The following SYTL1 variants were observed in gnomAD, a reference collection of about 807,000 sequenced individuals.
The protein encoded by SYTL1 is synaptotagmin-like protein 1.
SYTL1 carries 53 observed loss-of-function variants against 74.6 expected under a neutral mutation model. The observed-to-expected ratio is 0.71, with a 90% CI of 0.57 to 0.89. The LOEUF (loss-of-function observed/expected upper bound fraction) is 0.89, where lower values mean the gene tolerates loss of function less well. Among genes scored for constraint, SYTL1 ranks in the 40% least tolerant of loss-of-function variants. The pLI, the probability that SYTL1 is intolerant of heterozygous loss-of-function variation, is 0.00. For missense variants in SYTL1, 728 were observed against 768.7 expected (o/e 0.95, Z 0.63); for synonymous variants, 329 against 324.9 (o/e 1.01, Z -0.14).
Position 27,353,920 on chromosome 1 carries a change from A to G in SYTL1, c.*68A>G, listed in dbSNP as rs2015396918. The stretch of plus-strand genomic sequence containing the variant: ...CCCTTGGCTAAAGTCAATAAAGTCT[A>G]TTCTAAGAGCAATAAAAGGCTGGTG... On this transcript the variant is annotated 3_prime_UTR_variant, in exon 15 of 15. Coordinates refer to ENST00000616558, the MANE Select transcript of SYTL1 (RefSeq NM_001193308.2). 1.8e-5 allele frequency: 26 copies of G among 1,437,288 alleles called. No individual in the cohort carries two copies. The highest frequency in any genetic ancestry group is 8.6e-5 in the South Asian group (7 of 80,980). 89.0% of individuals were successfully genotyped at this position (1,437,288 alleles called of 1,614,324 possible).
Position 27,351,852 on chromosome 1 carries a change from C to CTCT in SYTL1, c.1343+298_1343+299insCTT. ...CCAGGCTGTGGGGCTTGGCTGGGAA[C>CTCT]TTATAGTTCAGTGTAAGCTTCTAGG... On this transcript the variant is annotated intron_variant, in intron 13 of 14. Coordinates refer to ENST00000616558, the MANE Select transcript of SYTL1 (RefSeq NM_001193308.2). The surrounding 1 kb of genome is among the most constrained non-coding windows in gnomAD (Gnocchi z 5.0). 2.9e-6 allele frequency: 1 copy of CTCT among 342,424 alleles called. No individual in the cohort carries two copies. The highest frequency in any genetic ancestry group is 5.3e-6 in the Non-Finnish European group (1 of 189,552). The allele number at this position is 342,424 out of a possible 1,614,324, so 21.2% of individuals were successfully genotyped here.
At chr1:27,349,932 C>T (rs1427335907) in intron 8 of SYTL1, 40 bp from the exon 9 acceptor site, 1 of 1,562,214 alleles carries the variant, frequency 6.4e-7, no homozygotes, top group South Asian at 1.2e-5. Context: ...CGACGTGAGC[C>T]CTGCGAGCGG....
chr1:27,346,352 C>A (rs1217503142), intron 2 of SYTL1, among the ~76,000 whole-genome samples: 1 of 152,224 alleles, frequency 6.6e-6, no homozygotes, highest in Non-Finnish European at 1.5e-5. Context: ...ATGGGCGTTA[C>A]AAGCAATGTT....
Position 27,349,103 on chromosome 1 carries a change from T to G in SYTL1, c.483T>G (p.Ser161=). The change falls in exon 6 of 15, where the codon TCT becomes TCG. Residue 161 remains serine, a synonymous_variant. Transcript: ENST00000616558. ...AGGGACCTGATTTCCCATCGCCTTC[T>G]GTCCCCCTAAAGGCTTCAGATCCTG... ...ETEGPDFPSP[S]VPLKASDPEE... 1.2e-6 allele frequency: 2 copies of G among 1,614,034 alleles called. No homozygotes were observed. The highest frequency in any genetic ancestry group is 1.7e-6 in the Non-Finnish European group (2 of 1,179,896).
rs41291094 is a variant in SYTL1, at chr1:27,350,742, A to G, written c.1006-52A>G. The stretch of plus-strand genomic sequence containing the variant: ...ACCTGCCTCAGCCAACTCGCGCAGC[A>G]TCTACGCGGGCCACCAGCAGTGCTC... On this transcript the variant is annotated intron_variant, in intron 10 of 14. Coordinates refer to ENST00000616558, the MANE Select transcript of SYTL1 (RefSeq NM_001193308.2). The surrounding 1 kb of genome is among the most constrained non-coding windows in gnomAD (Gnocchi z 6.3). 12,685 of 1,592,592 alleles carry G rather than the reference A, an allele frequency of 8.0e-3. 79 individuals carry two copies. The highest frequency in any genetic ancestry group is 9.7e-3 in the Non-Finnish European group (11,312 of 1,164,724).
At position 27,350,163 on chromosome 1, in the gene SYTL1, G is replaced by T. The variant is rs1366778349; in HGVS notation, c.908+31G>T. On this transcript the variant is annotated intron_variant, in intron 9 of 14. Transcript: ENST00000616558. The surrounding 1 kb of genome is among the most constrained non-coding windows in gnomAD (Gnocchi z 6.3). The stretch of plus-strand genomic sequence containing the variant: ...TGCCCCGCCGGCCAAGCGGGGCGCG[G>T]CTGTCACAGCCCAGCCCACCATTCA... The T allele has an allele frequency of 7.0e-7, 1 of 1,419,578 alleles. No homozygotes were observed. Among genetic ancestry groups the T allele is most frequent in the East Asian group, 2.8e-5 (1 of 35,772 alleles). The allele number at this position is 1,419,578 out of a possible 1,614,324, so 87.9% of individuals were successfully genotyped here.
In SYTL1 at chr1:27,349,495, C is replaced by A. The variant is rs1239089534; in HGVS notation, c.630C>A (p.Ala210=). Residue 210 remains alanine, a synonymous_variant, in exon 7 of 15, where the codon GCC becomes GCA. Coordinates refer to ENST00000616558, the MANE Select transcript of SYTL1 (RefSeq NM_001193308.2). ...GGEQEPRPQQ[A]QTKAASQILE... ...AGCAGGAGCCGCGGCCCCAGCAAGC[C>A]CAGGTAGGCGGGAGTGGCCCGTGGC... The A allele has an allele frequency of 3.4e-6, 5 of 1,453,416 alleles. No individual in the cohort carries two copies. The highest frequency in any genetic ancestry group is 2.5e-5 in the East Asian group (1 of 39,464). 90.0% of individuals were successfully genotyped at this position (1,453,416 alleles called of 1,614,324 possible).
In SYTL1 at chr1:27,345,520, G is replaced by T; in HGVS notation, c.186G>T (p.Arg62=). 1 of 1,550,568 alleles carries T rather than the reference G, an allele frequency of 6.4e-7. No individual in the cohort carries two copies. The highest frequency in any genetic ancestry group is 8.7e-7 in the Non-Finnish European group (1 of 1,146,396). Residue 62 remains arginine, a synonymous_variant, in exon 2 of 15, where the codon CGG becomes CGT. Coordinates refer to ENST00000616558, the MANE Select transcript of SYTL1 (RefSeq NM_001193308.2). The surrounding 1 kb of genome is among the most constrained non-coding windows in gnomAD (Gnocchi z 6.0). ...DARLRQLEEG[R]VSKLRASVAD... ...GCCTGCGCCAGCTGGAGGAGGGGCGGGTCAGGTAAGGCAGGGCAGACCCTG... is the reference window on the plus strand; with the variant it reads ...GCCTGCGCCAGCTGGAGGAGGGGCGTGTCAGGTAAGGCAGGGCAGACCCTG...
Position 27,351,074 on chromosome 1 carries a change from C to A in SYTL1, c.1164+122C>A. On this transcript the variant is annotated intron_variant, in intron 11 of 14. Transcript: ENST00000616558. This position sits in a 1 kb window ranked among gnomAD's most constrained non-coding sequence, Gnocchi z 5.0. Reference sequence around the variant, plus strand: ...CAGAACCTCCCCTCAACCTCTTAACCTCATGGCCCCAGGCGAAGCCCGGCC... The same window carrying A: ...CAGAACCTCCCCTCAACCTCTTAACATCATGGCCCCAGGCGAAGCCCGGCC... 1.5e-6 allele frequency: 2 copies of A among 1,369,856 alleles called. No homozygotes were observed. Among genetic ancestry groups the A allele is most frequent in the South Asian group, 1.3e-5 (1 of 75,474 alleles). The allele number at this position is 1,369,856 out of a possible 1,614,324, so 84.9% of individuals were successfully genotyped here.
At position 27,351,550 on chromosome 1, in the gene SYTL1, A is replaced by G; in HGVS notation, c.1338A>G (p.Val446=). The change falls in exon 13 of 15, where the codon GTA becomes GTG. Residue 446 remains valine, a synonymous_variant. Transcript: ENST00000616558. This position sits in a 1 kb window ranked among gnomAD's most constrained non-coding sequence, Gnocchi z 5.0. ...PLRAGSLDTY[V]QCFVLPDDSQ... is the part of the protein sequence containing the mutation. ...GGGCAGGATCCCTGGACACTTACGT[A>G]CAATGGTGAGGAGTGCTGGCCCTCC... 1 of 1,541,722 alleles carries G rather than the reference A, an allele frequency of 6.5e-7. No individual in the cohort carries two copies. The highest frequency in any genetic ancestry group is 2.4e-5 in the East Asian group (1 of 40,820).
In SYTL1 at chr1:27,350,248, C is replaced by CG. The variant is rs2015203495; in HGVS notation, c.908+117dup. ...TGGGAACAACAGCGTTATTGGGAGG[C>CG]GTGCGATTAAGCGAGACAATCCCTG... On this transcript the variant is annotated intron_variant, in intron 9 of 14. Transcript: ENST00000616558. This position sits in a 1 kb window ranked among gnomAD's most constrained non-coding sequence, Gnocchi z 6.3. 1 of 1,481,110 alleles carries CG rather than the reference C, an allele frequency of 6.8e-7. No individual in the cohort carries two copies. The highest frequency in any genetic ancestry group is 1.2e-5 in the South Asian group (1 of 86,032). The allele number at this position is 1,481,110 out of a possible 1,614,324, so 91.7% of individuals were successfully genotyped here.
At position 27,348,361 on chromosome 1, in the gene SYTL1, G is replaced by A. The variant is rs371915671; in HGVS notation, c.459+349G>A. 5.3e-5 allele frequency among the ~76,000 whole-genome samples: 8 copies of A among 151,928 alleles called. No individual in the cohort carries two copies. Among genetic ancestry groups the A allele is most frequent in the African/African-American group, 1.4e-4 (6 of 41,418 alleles). ...CTGATGTGGGAGGATCGCTTGAGCC[G>A]AGGAGTTCAAGACCAGCCTGGGCAA... On this transcript the variant is annotated intron_variant, in intron 5 of 14. Transcript: ENST00000616558. This position sits in a 1 kb window ranked among gnomAD's most constrained non-coding sequence, Gnocchi z 4.1.
chr1:27,353,246 AGGGG>A, intron 13 of SYTL1, 33 bp from the exon 14 acceptor site: 1 of 1,552,186 alleles, frequency 6.4e-7, no homozygotes, highest in Non-Finnish European at 8.7e-7. Context: ...AGGGAGTGTG[AGGGG>A]GGTCACCTGA....
Position 27,347,599 on chromosome 1 carries a change from C to A in SYTL1, c.340+30C>A. Reference sequence around the variant, plus strand: ...GAGGAGATCCTCGGGGCAGGGCAAGCCATGTGCCGTCCAGGGCGCTGGCTG... The same window carrying A: ...GAGGAGATCCTCGGGGCAGGGCAAGACATGTGCCGTCCAGGGCGCTGGCTG... On this transcript the variant is annotated intron_variant, in intron 3 of 14. Coordinates refer to ENST00000616558, the MANE Select transcript of SYTL1 (RefSeq NM_001193308.2). This position sits in a 1 kb window ranked among gnomAD's most constrained non-coding sequence, Gnocchi z 4.9. The A allele has an allele frequency of 1.2e-6, 2 of 1,610,034 alleles. No homozygotes were observed. Among genetic ancestry groups the A allele is most frequent in the Non-Finnish European group, 1.7e-6 (2 of 1,177,938 alleles).
chr1:27,353,190 A>G, intron 13 of SYTL1, 93 bp from the exon 14 acceptor site: 1 of 1,293,868 alleles, frequency 7.7e-7, no homozygotes, highest in South Asian at 1.3e-5. Context: ...GGGGACATGG[A>G]CATATGTGAG....
At position 27,348,894 on chromosome 1, in the gene SYTL1, C is replaced by T. The variant is rs901166478; in HGVS notation, c.460-186C>T. Among the ~76,000 whole-genome samples the T allele has an allele frequency of 1.3e-5, 2 of 152,164 alleles. No individual in the cohort carries two copies. The highest frequency in any genetic ancestry group is 2.9e-5 in the Non-Finnish European group (2 of 68,012). ...AGGGAGTCAGGCGGCACAAGCCCTG[C>T]GGGGTGGGCTGTGAAGCACTGGTCT... On this transcript the variant is annotated intron_variant, in intron 5 of 14. Transcript: ENST00000616558. The surrounding 1 kb of genome is among the most constrained non-coding windows in gnomAD (Gnocchi z 4.1).
At position 27,351,373 on chromosome 1, in the gene SYTL1, C is replaced by G; in HGVS notation, c.1243+37C>G. 1 of 1,518,336 alleles carries G rather than the reference C, an allele frequency of 6.6e-7. No individual in the cohort carries two copies. The highest frequency in any genetic ancestry group is 8.9e-7 in the Non-Finnish European group (1 of 1,129,170). The allele number at this position is 1,518,336 out of a possible 1,614,324, so 94.1% of individuals were successfully genotyped here. ...CCGGAGAGGCCAAGCTGGACACGCC[C>G]TGAAAAGCGGGAGACTCCAGTCCCC... On this transcript the variant is annotated intron_variant, in intron 12 of 14. Coordinates refer to ENST00000616558, the MANE Select transcript of SYTL1 (RefSeq NM_001193308.2). The surrounding 1 kb of genome is among the most constrained non-coding windows in gnomAD (Gnocchi z 5.0).
At position 27,345,216 on chromosome 1, in the gene SYTL1, T is replaced by G; in HGVS notation, c.-38-81T>G. On this transcript the variant is annotated intron_variant, in intron 1 of 14. Coordinates refer to ENST00000616558, the MANE Select transcript of SYTL1 (RefSeq NM_001193308.2). The surrounding 1 kb of genome is among the most constrained non-coding windows in gnomAD (Gnocchi z 6.0). Reference sequence around the variant, plus strand: ...CACCCTACCCATACCCGGCCAAGTGTTTGGGGAGAAAAGGGCTGTTGGTTC... The same window carrying G: ...CACCCTACCCATACCCGGCCAAGTGGTTGGGGAGAAAAGGGCTGTTGGTTC... The G allele has an allele frequency of 5.2e-6, 4 of 765,454 alleles. No individual in the cohort carries two copies. Among genetic ancestry groups the G allele is most frequent in the Non-Finnish European group, 7.9e-6 (4 of 507,934 alleles). 47.4% of individuals were successfully genotyped at this position (765,454 alleles called of 1,614,324 possible).
At position 27,350,356 on chromosome 1, in the gene SYTL1, G is replaced by A. The variant is rs747019483; in HGVS notation, c.909-33G>A. 2 of 1,590,092 alleles carry A rather than the reference G, an allele frequency of 1.3e-6. No individual in the cohort carries two copies. The highest frequency in any genetic ancestry group is 1.7e-6 in the Non-Finnish European group (2 of 1,158,202). Reference sequence around the variant, plus strand: ...AGGCAGGGGAGAAGGCTCTGGGAGGGCCCCTCCTCACCTCGGGTTCTCACC... The same window carrying A: ...AGGCAGGGGAGAAGGCTCTGGGAGGACCCCTCCTCACCTCGGGTTCTCACC... On this transcript the variant is annotated intron_variant, in intron 9 of 14. Transcript: ENST00000616558. This position sits in a 1 kb window ranked among gnomAD's most constrained non-coding sequence, Gnocchi z 6.3.
Sources: gnomAD v4.1 joint callset for allele counts (sites outside exome capture counted in the v4.1 genomes callset) on GRCh38, gnomAD v4.1.1 for gene constraint, Gnocchi (gnomAD v3.1) non-coding constraint, MANE v1.5 for transcripts, NCBI Gene and HGNC (gene_info 2026-07-23, HGNC 2026-07-21) for gene names.